ESCO2: variants seen among roughly 807,000 people sequenced by gnomAD.
ESCO2 encodes the protein N-acetyltransferase ESCO2.
ESCO2 carries 51 observed loss-of-function variants against 61.7 expected under a neutral mutation model. The ratio of observed to expected loss-of-function variants is 0.83; its 90% CI spans 0.66 to 1.04. ESCO2 has a LOEUF of 1.04. ESCO2 is among the 50% of genes least tolerant of loss of function. ESCO2 has a pLI of 0.00. For synonymous variants in ESCO2, 230 were observed against 238.2 expected (o/e 0.97, Z 0.32); for missense variants, 692 against 686.2 (o/e 1.01, Z -0.09).
chr8:27,776,514 C>T lies in ESCO2; in HGVS notation c.206C>T (p.Pro69Leu). 6.2e-7 allele frequency: 1 copy of T among 1,613,908 alleles called. No individual in the cohort carries two copies. The change falls in exon 3 of 11, where the codon CCA becomes CTA. Residue 69 changes from proline to leucine, a missense_variant. Pro to Leu is a moderately conservative substitution (Grantham distance 98, BLOSUM62 -3). Coordinates refer to ENST00000305188, the MANE Select transcript of ESCO2 (RefSeq NM_001017420.3). ...AAAACAACTGAAATAAATAGACTGC[C>T]ATCAGCAAATCAAGGCTCACCATTT... ...ALKTTEINRL[P>L]SANQGSPFKS...
chr8:27,778,020 C>T (rs1208776051), intron 3 of ESCO2: 2 of 152,138 alleles, frequency 1.3e-5, no homozygotes, highest in African/African-American at 4.8e-5. Flanking sequence ...GCCAGTAAAC[C>T]AAATCTCACC....
At chr8:27,772,390 G>A (rs960493808), upstream of ESCO2, 2 of 922,664 alleles carry the variant, frequency 2.2e-6, no homozygotes, top group Admixed American at 2.2e-5. Flanking sequence ...GAGAGGCCGC[G>A]GGAAGAGGCA....
Position 27,787,910 on chromosome 8 carries a change from G to A in ESCO2, c.1039G>A (p.Val347Met), listed in dbSNP as rs368924075. Residue 347 changes from valine (V) to methionine (M), a missense_variant, in exon 6 of 11, where the codon GTG (valine) becomes ATG (methionine). By Grantham distance (21) the Val-to-Met change is conservative (BLOSUM62 1). Transcript: ENST00000305188. ...KRSLGEEQFS[V>M]GSVNFMKQTN... ...ATCTTTAGGTGAAGAACAGTTTTCT[G>A]TGGGATCTGTCAACTTCATGAAACA... 43 of 1,613,382 alleles carry A rather than the reference G, an allele frequency of 2.7e-5. No individual in the cohort carries two copies. The highest frequency in any genetic ancestry group is 3.6e-5 in the Non-Finnish European group (43 of 1,179,690).
chr8:27,789,516 A>G (rs1320365041), intron 7 of ESCO2, among the ~76,000 whole-genome samples: 2 of 151,972 alleles, frequency 1.3e-5, no homozygotes, highest in Non-Finnish European at 2.9e-5. Flanking sequence ...GCAGTGACTC[A>G]CTCCTGTAAT....
chr8:27,781,333 T>G (rs912589488), intron 4 of ESCO2, among the ~76,000 whole-genome samples: 2 of 151,940 alleles, frequency 1.3e-5, no homozygotes, highest in African/African-American at 2.4e-5. Flanking sequence ...CAATGCAAAG[T>G]TAAAGTTTGT....
At position 27,799,927 on chromosome 8, in the gene ESCO2, A is replaced by G. The variant is rs371297038; in HGVS notation, c.1673+211A>G. Among the ~76,000 whole-genome samples, 6 of 151,180 alleles carry G rather than the reference A, an allele frequency of 4.0e-5. No homozygotes were observed. In the East Asian group the frequency reaches 1.2e-3, roughly 29 times the overall value. On this transcript the variant is annotated intron_variant, in intron 10 of 10. Transcript: ENST00000305188. ...TTCCAGGTCTGAAACATACTAGCCC[A>G]CTGCTTTTCAAACTACCTGTGCTAA... is the stretch of plus-strand genomic sequence containing the variant.
chr8:27,810,117 G>A (rs1007341762), downstream of ESCO2: 3 of 560,518 alleles, frequency 5.4e-6, no homozygotes, highest in African/African-American at 1.9e-5. Context: ...AGAAAACCCA[G>A]TACAATTCCA....
downstream of ESCO2, chr8:27,810,234 T>C (rs1315787258): frequency 9.7e-7 from 1 of 1,028,720 alleles, no homozygotes; most frequent in Non-Finnish European, 1.5e-6. Flanking sequence ...TAATAACTAC[T>C]GATAGTAACT....
chr8:27,789,103 T>C, intron 7 of ESCO2, 125 bp downstream of exon 7: 3 of 1,214,014 alleles, frequency 2.5e-6, no homozygotes, highest in East Asian at 5.1e-5. Context: ...AAGCTTACTA[T>C]CTCAATTTAA....
Position 27,804,321 on chromosome 8 carries a change from T to C in ESCO2, c.*883T>C. 1.0e-6 allele frequency: 1 copy of C among 985,454 alleles called. No homozygotes were observed. The highest frequency in any genetic ancestry group is 1.2e-6 in the Non-Finnish European group (1 of 829,926). 61.0% of individuals were successfully genotyped at this position (985,454 alleles called of 1,614,324 possible). A position where few individuals can be genotyped will look rare whatever the true frequency, so the allele number is the denominator to read the frequency against. ...TGGTAGTACTACTTTGGGAACCTGT[T>C]ACTGACAATTGATGTCATTAACAAA... On this transcript the variant is annotated 3_prime_UTR_variant, in exon 11 of 11. Transcript: ENST00000305188.
Position 27,803,458 on chromosome 8 carries a change from G to T in ESCO2, c.*20G>T. On this transcript the variant is annotated 3_prime_UTR_variant, in exon 11 of 11. Transcript: ENST00000305188. ...AGTTAAAGCTGATTTCAGTTATAAAGGAGTTACTATCTGGATAAGTTCAAA... is the reference window on the plus strand; with the variant it reads ...AGTTAAAGCTGATTTCAGTTATAAATGAGTTACTATCTGGATAAGTTCAAA... 1 of 1,609,430 alleles carries T rather than the reference G, an allele frequency of 6.2e-7. No homozygotes were observed. The highest frequency in any genetic ancestry group is 1.1e-5 in the South Asian group (1 of 90,932).
chr8:27,782,042 C>T (rs943284100), intron 4 of ESCO2, among the ~76,000 whole-genome samples: 1 of 151,982 alleles, frequency 6.6e-6, no homozygotes, highest in Non-Finnish European at 1.5e-5. Context: ...TGTCTTATTT[C>T]TTTGTTTGCA....
At chr8:27,814,002 A>C (rs1035257887), downstream of ESCO2, among the ~76,000 whole-genome samples, 1 of 152,208 alleles carries the variant, frequency 6.6e-6, no homozygotes, top group Non-Finnish European at 1.5e-5. Flanking sequence ...AGTGTATAAT[A>C]ATCACATCAG....
chr8:27,811,376 A>G, downstream of ESCO2: 1 of 581,328 alleles, frequency 1.7e-6, no homozygotes, highest in African/African-American at 1.9e-5. Context: ...ACAAATTAGT[A>G]GGAATATAGA....
At chr8:27,806,713 G>A (rs534050674), downstream of ESCO2, among the ~76,000 whole-genome samples, 6 of 151,696 alleles carry the variant, frequency 4.0e-5, no homozygotes, top group Middle Eastern at 3.4e-3. Flanking sequence ...TCCACCTCCC[G>A]GGTTCAAGCT....
rs1286577197 is a variant in ESCO2, at chr8:27,799,775, C to G, written c.1673+59C>G. ...TAGATTCATAGCTTTCCCAGAACCTCTCGGCTTCTGAGCTAAAGGGAAGGA... is the reference window on the plus strand; with the variant it reads ...TAGATTCATAGCTTTCCCAGAACCTGTCGGCTTCTGAGCTAAAGGGAAGGA... On this transcript the variant is annotated intron_variant, in intron 10 of 10. Coordinates refer to ENST00000305188, the MANE Select transcript of ESCO2 (RefSeq NM_001017420.3). 3.1e-6 allele frequency: 5 copies of G among 1,587,308 alleles called. No homozygotes were observed. In the African/African-American group the frequency reaches 5.4e-5, roughly 17 times the overall value.
intron 7 of ESCO2, among the ~76,000 whole-genome samples, chr8:27,791,028 C>T (rs920993497): frequency 6.6e-6 from 1 of 152,102 alleles, no homozygotes; most frequent in African/African-American, 2.4e-5. Context: ...CACATTCCCC[C>T]CAAATGAAAA....
intron 9 of ESCO2, among the ~76,000 whole-genome samples, chr8:27,793,186 A>G (rs1258924939): frequency 1.3e-5 from 2 of 152,184 alleles, no homozygotes; most frequent in Non-Finnish European, 2.9e-5. Flanking sequence ...CTAATTAGCA[A>G]TGTTCTAGAA....
chr8:27,797,608 G>C (rs1187525940), intron 9 of ESCO2, among the ~76,000 whole-genome samples: 2 of 152,014 alleles, frequency 1.3e-5, no homozygotes, highest in Non-Finnish European at 2.9e-5. Flanking sequence ...TTTGTTTTCT[G>C]GTTGTTTTAT....
Sources: allele counts gnomAD v4.1 joint callset (sites outside exome capture counted in the v4.1 genomes callset), GRCh38; gene constraint gnomAD v4.1.1; transcripts MANE v1.5; gene names NCBI Gene and HGNC (gene_info 2026-07-23, HGNC 2026-07-21).